The following MAP7 variants were observed in gnomAD, a reference collection of about 807,000 sequenced individuals.
MAP7 encodes ensconsin.
In MAP7, 52 loss-of-function variants were observed where a neutral mutation model predicts 94.8. The observed-to-expected ratio is 0.55, with a 90% confidence interval of 0.44 to 0.69. MAP7 has a LOEUF of 0.69. Among genes scored for constraint, MAP7 ranks in the 30% least tolerant of loss-of-function variants. The pLI, the probability that MAP7 is intolerant of heterozygous loss-of-function variation, is 0.00. For missense variants in MAP7, 940 were observed against 964.6 expected (o/e 0.97, Z 0.34); for synonymous variants, 350 against 357.0 (o/e 0.98, Z 0.22).
intron 1 of MAP7, among the ~76,000 whole-genome samples, chr6:136,488,457 T>C (rs1261334138): frequency 1.3e-5 from 2 of 151,118 alleles, no homozygotes; most frequent in Non-Finnish European, 3.0e-5. Flanking sequence ...TTTTTTTTTT[T>C]TTTTTTGAGA....
chr6:136,351,081 A>T (rs1789045731), intron 16 of MAP7, among the ~76,000 whole-genome samples: 1 of 152,162 alleles, frequency 6.6e-6, no homozygotes, highest in Non-Finnish European at 1.5e-5. Context: ...GAAATGAGTG[A>T]CAAGGCAGGC....
rs535242697 is a variant in MAP7 at position 136,532,286 on chromosome 6, G to A, written c.67+18056C>T. 2.6e-5 allele frequency among the ~76,000 whole-genome samples: 4 copies of A among 152,222 alleles called. No individual in the cohort carries two copies. The South Asian group carries it at 6.2e-4, about 24-fold the overall frequency. On this transcript the variant is annotated intron_variant, in intron 1 of 17. Transcript: ENST00000354570. ...CTGGTCCTCATACTACATGGTACTC[G>A]CAAGATATTTGAAATAGGATGATAA... is the stretch of plus-strand genomic sequence containing the variant.
At chr6:136,387,475 A>C (rs1041245036) in intron 5 of MAP7, among the ~76,000 whole-genome samples, 24 of 152,332 alleles carry the variant, frequency 1.6e-4, no homozygotes, top group African/African-American at 5.8e-4. Context: ...ACACTGTTCC[A>C]ATCCCAGATC....
At chr6:136,386,355 A>G (rs1444860079) in intron 5 of MAP7, among the ~76,000 whole-genome samples, 1 of 152,202 alleles carries the variant, frequency 6.6e-6, no homozygotes, top group African/African-American at 2.4e-5. Flanking sequence ...ACAATTTATT[A>G]TAATTCACAA....
chr6:136,427,346 T>A (rs1052269796), intron 1 of MAP7, among the ~76,000 whole-genome samples: 2 of 152,196 alleles, frequency 1.3e-5, no homozygotes, highest in Admixed American at 1.3e-4. Context: ...GTGAAGAAGA[T>A]AAAATATGGG....
chr6:136,434,038 G>A (rs1402897598), intron 1 of MAP7, among the ~76,000 whole-genome samples: 1 of 152,050 alleles, frequency 6.6e-6, no homozygotes, highest in Non-Finnish European at 1.5e-5. Flanking sequence ...TGGGCACGGT[G>A]GCTCACACCT....
chr6:136,527,123 G>C (rs1241260718), intron 1 of MAP7, among the ~76,000 whole-genome samples: 1 of 152,150 alleles, frequency 6.6e-6, no homozygotes, highest in Non-Finnish European at 1.5e-5. Flanking sequence ...GTTGCTACCA[G>C]CGGTGCTGAG....
At chr6:136,518,600 T>C (rs3799458) in intron 1 of MAP7, among the ~76,000 whole-genome samples, 17,581 of 152,124 alleles carry the variant, frequency 0.12, 2,523 homozygotes, top group African/African-American at 0.34. Context: ...TTTTCCTAAA[T>C]GTCTAGATGA....
chr6:136,473,157 C>T (rs1030865434), intron 1 of MAP7, among the ~76,000 whole-genome samples: 1 of 152,222 alleles, frequency 6.6e-6, no homozygotes, highest in Admixed American at 6.5e-5. Flanking sequence ...TGCCCTCACC[C>T]TCTCTAAAGT....
intron 1 of MAP7, among the ~76,000 whole-genome samples, chr6:136,474,729 T>G (rs1196297651): frequency 6.6e-6 from 1 of 152,190 alleles, no homozygotes; most frequent in Non-Finnish European, 1.5e-5. Context: ...AACTTTTTTT[T>G]TTTTTTGGTG....
chr6:136,477,628 T>C (rs1403952404), intron 1 of MAP7, among the ~76,000 whole-genome samples: 1 of 152,176 alleles, frequency 6.6e-6, no homozygotes, highest in African/African-American at 2.4e-5. Context: ...ACTGCAAATA[T>C]ATAGGCACCC....
At chr6:136,389,616 C>T (rs1455661978) in intron 3 of MAP7, 99 bp from the exon 4 acceptor site, 1 of 1,063,996 alleles carries the variant, frequency 9.4e-7, no homozygotes, top group Admixed American at 2.2e-5. Context: ...CTACAATGAA[C>T]AAATATGGGT....
At chr6:136,351,636 GCTGAAGAATCT>G (rs1219564181) in intron 16 of MAP7, among the ~76,000 whole-genome samples, 6 of 152,220 alleles carry the variant, frequency 3.9e-5, no homozygotes, top group African/African-American at 1.2e-4. Flanking sequence ...CCATATTCAT[GCTGAAGAATCT>G]CTGAAGAAAT....
intron 1 of MAP7, among the ~76,000 whole-genome samples, chr6:136,531,976 T>A (rs939304050): frequency 6.6e-6 from 1 of 151,686 alleles, no homozygotes. Flanking sequence ...TAATGAGCTA[T>A]ACTTAGACAG....
chr6:136,461,039 A>G (rs1805035625), intron 1 of MAP7, among the ~76,000 whole-genome samples: 1 of 152,184 alleles, frequency 6.6e-6, no homozygotes, highest in African/African-American at 2.4e-5. Flanking sequence ...CACAATTAAG[A>G]ATTTCTCCAT....
At position 136,489,818 on chromosome 6, in the gene MAP7, C is replaced by T. The variant is rs569960334; in HGVS notation, c.67+60524G>A. 8.5e-5 allele frequency among the ~76,000 whole-genome samples: 13 copies of T among 152,078 alleles called. No individual in the cohort carries two copies. The South Asian group carries it at 2.1e-3, about 24-fold the overall frequency. ...TGCTGGGATTACAGGCGTGAGTCACCGCACCTGGCCTGTAACATCAGGTTT... is the reference window on the plus strand; with the variant it reads ...TGCTGGGATTACAGGCGTGAGTCACTGCACCTGGCCTGTAACATCAGGTTT... On this transcript the variant is annotated intron_variant, in intron 1 of 17. Transcript: ENST00000354570.
In MAP7 at chr6:136,430,640, A is replaced by G. The variant is rs1352648717; in HGVS notation, c.68-8841T>C. Among the ~76,000 whole-genome samples, 3 of 152,186 alleles carry G rather than the reference A, an allele frequency of 2.0e-5. No homozygotes were observed. In the East Asian group the frequency reaches 5.8e-4, roughly 29 times the overall value. ...AATAGGAATGATATGGTAGGTTCTGAACGTTTATTCCAACTCAAGTAACCA... is the reference window on the plus strand; with the variant it reads ...AATAGGAATGATATGGTAGGTTCTGGACGTTTATTCCAACTCAAGTAACCA... On this transcript the variant is annotated intron_variant, in intron 1 of 17. Coordinates refer to ENST00000354570, the MANE Select transcript of MAP7 (RefSeq NM_003980.6).
At chr6:136,371,649 A>C (rs1774536274) in intron 8 of MAP7, among the ~76,000 whole-genome samples, 1 of 152,232 alleles carries the variant, frequency 6.6e-6, no homozygotes. Context: ...GCCTTTCATC[A>C]AAAGGGTCAT....
At chr6:136,440,720 G>C (rs1797593524) in intron 1 of MAP7, among the ~76,000 whole-genome samples, 2 of 151,954 alleles carry the variant, frequency 1.3e-5, no homozygotes, top group South Asian at 2.1e-4. Context: ...TAAGAATTAT[G>C]ACAGTGAGCA....
Sources: allele counts gnomAD v4.1 joint callset (sites outside exome capture counted in the v4.1 genomes callset), GRCh38; gene constraint gnomAD v4.1.1; transcripts MANE v1.5; gene names NCBI Gene and HGNC (gene_info 2026-07-23, HGNC 2026-07-21).